The following COBLL1 variants were observed in gnomAD, a reference collection of about 807,000 sequenced individuals.
COBLL1 encodes cordon-bleu WH2 repeat protein like 1, also known as cordon-bleu protein-like 1.
COBLL1 carries 50 observed loss-of-function variants against 94.8 expected under a neutral mutation model. The observed-to-expected ratio is 0.53, with a 90% CI of 0.42 to 0.67. The LOEUF is 0.67. Among genes scored for constraint, COBLL1 ranks in the 30% least tolerant of loss-of-function variants. COBLL1 has a pLI of 0.00. For missense variants in COBLL1, 1,362 were observed against 1,348.7 expected, an observed-to-expected ratio of 1.01 and a Z score of -0.15; for synonymous variants, 448 against 473.8, an observed-to-expected ratio of 0.95 and a Z score of 0.71.
rs371248737 is a variant in COBLL1, at chr2:164,793,770, C to T, written c.41+47386G>A. 3.6e-4 allele frequency among the ~76,000 whole-genome samples: 55 copies of T among 152,294 alleles called. 1 individual carries two copies. The South Asian group carries it at 0.01, about 29-fold the overall frequency. On this transcript the variant is annotated intron_variant, in intron 2 of 13. Transcript: ENST00000652658. ...TGTCATGGAATATAAAAGACATTTG[C>T]ATGAGGAACCATTTAACAATTCAAA...
chr2:164,705,621 A>G (rs549935294), intron 7 of COBLL1, among the ~76,000 whole-genome samples: 3 of 152,204 alleles, frequency 2.0e-5, no homozygotes, highest in Non-Finnish European at 4.4e-5. Context: ...GCAGACCCTA[A>G]GACATCCTCC....
At chr2:164,768,821 T>C (rs527719385) in intron 2 of COBLL1, among the ~76,000 whole-genome samples, 1 of 152,306 alleles carries the variant, frequency 6.6e-6, no homozygotes, top group South Asian at 2.1e-4. Flanking sequence ...GCCTTCCTAT[T>C]TCCTTAACTA....
chr2:164,695,587 G>A lies in COBLL1; in HGVS notation c.1805C>T (p.Ala602Val). Residue 602 changes from alanine (A) to valine (V), a missense_variant, in exon 12 of 14, where the codon GCA (alanine) becomes GTA (valine). Coordinates refer to ENST00000652658, the MANE Select transcript of COBLL1 (RefSeq NM_001365672.2). Reference protein sequence around the residue: ...NQPSAEKTKDAAIQTTPSCNS... With the variant: ...NQPSAEKTKDVAIQTTPSCNS... ...ACAAGAAGGGGTTGTCTGAATTGCT[G>A]CATCTTTTGTCTTTTCTGCACTGGG... The A allele has an allele frequency of 6.2e-7, 1 of 1,613,906 alleles. No homozygotes were observed. The highest frequency in any genetic ancestry group is 8.5e-7 in the Non-Finnish European group (1 of 1,179,904).
Position 164,663,922 on chromosome 2 carries a change from G to T in COBLL1, n.181+1925C>A, listed in dbSNP as rs1412995972. Reference sequence around the variant, plus strand: ...ATACCATTGTAACAGATCTGCATATGTACCCTCTGATCTAAAATAAAATTG... The same window carrying T: ...ATACCATTGTAACAGATCTGCATATTTACCCTCTGATCTAAAATAAAATTG... On this transcript the variant is annotated intron_variant and non_coding_transcript_variant, in intron 2 of 2. Transcript: ENST00000495084. 2.0e-5 allele frequency among the ~76,000 whole-genome samples: 3 copies of T among 152,276 alleles called. No homozygotes were observed. The East Asian group carries it at 5.8e-4, about 29-fold the overall frequency.
At chr2:164,818,290 A>G (rs1446641605) in intron 2 of COBLL1, among the ~76,000 whole-genome samples, 1 of 141,834 alleles carries the variant, frequency 7.1e-6, no homozygotes, top group African/African-American at 2.9e-5. Context: ...ACATATATGT[A>G]TGTATACATA....
intron 2 of COBLL1, among the ~76,000 whole-genome samples, chr2:164,810,314 T>A (rs1684401317): frequency 6.6e-6 from 1 of 151,568 alleles, no homozygotes; most frequent in South Asian, 2.1e-4. Flanking sequence ...CTGTCTCATA[T>A]ACAGATTTTA....
At chr2:164,672,183 C>T (rs886248758) in intron 1 of COBLL1, among the ~76,000 whole-genome samples, 3 of 152,158 alleles carry the variant, frequency 2.0e-5, no homozygotes, top group African/African-American at 4.8e-5. Flanking sequence ...AATGACTGTG[C>T]TATTTTTGCA....
At position 164,695,065 on chromosome 2, in the gene COBLL1, G is replaced by A; in HGVS notation, c.2327C>T (p.Thr776Ile). 6.2e-7 allele frequency: 1 copy of A among 1,613,818 alleles called. No homozygotes were observed. Residue 776 changes from threonine (T) to isoleucine (I), a missense_variant, in exon 12 of 14, where the codon ACT (threonine) becomes ATT (isoleucine). By Grantham distance (89) the Thr-to-Ile change is moderately conservative. Transcript: ENST00000652658. The part of the protein sequence containing the change: ...KKHTHENVKE[T>I]AIQTEDSAIS... ...AGCAGAATCTTCTGTTTGGATGGCA[G>A]TTTCTTTCACATTCTCATGAGTGTG...
chr2:164,792,233 A>T (rs1271412513), intron 2 of COBLL1, among the ~76,000 whole-genome samples: 1 of 151,996 alleles, frequency 6.6e-6, no homozygotes, highest in Non-Finnish European at 1.5e-5. Context: ...AACTCAAGCA[A>T]TCCTCCCACC....
At chr2:164,720,682 C>T (rs1239442809) in intron 7 of COBLL1, among the ~76,000 whole-genome samples, 1 of 152,284 alleles carries the variant, frequency 6.6e-6, no homozygotes, top group East Asian at 1.9e-4. Context: ...GCTTACCATG[C>T]TTAATTTCAG....
intron 2 of COBLL1, among the ~76,000 whole-genome samples, chr2:164,779,077 G>A (rs1341330523): frequency 1.3e-5 from 2 of 151,462 alleles, no homozygotes; most frequent in Non-Finnish European, 2.9e-5. Flanking sequence ...AAGTTTCGCA[G>A]TCTCCAAATG....
intron 2 of COBLL1, among the ~76,000 whole-genome samples, chr2:164,832,083 G>C (rs1226807581): frequency 2.0e-5 from 3 of 152,068 alleles, no homozygotes; most frequent in Non-Finnish European, 2.9e-5. Context: ...TTCAGCCCCC[G>C]CTACTCCCCT....
At chr2:164,766,140 C>A (rs1687924909) in intron 2 of COBLL1, among the ~76,000 whole-genome samples, 1 of 152,158 alleles carries the variant, frequency 6.6e-6, no homozygotes, top group African/African-American at 2.4e-5. Context: ...ACTTTTTATT[C>A]CCTAATAGAA....
In COBLL1 at chr2:164,705,094, T is replaced by C. The variant is rs779709377; in HGVS notation, c.1008A>G (p.Glu336=). 1.3e-6 allele frequency: 2 copies of C among 1,531,254 alleles called. No individual in the cohort carries two copies. The highest frequency in any genetic ancestry group is 1.8e-6 in the Non-Finnish European group (2 of 1,141,862). 94.9% of individuals were successfully genotyped at this position (1,531,254 alleles called of 1,614,324 possible). The stretch of plus-strand genomic sequence containing the variant: ...GTGAACCTGCCCTCACTCTTCCTGC[T>C]TCACAGGGACTCTGGAAAACAAAAT... ...SVDETDKSPC[E]AGRVRAGSLQ... Residue 336 remains glutamate, a synonymous_variant, in exon 8 of 14, where the codon GAA becomes GAG. Coordinates refer to ENST00000652658, the MANE Select transcript of COBLL1 (RefSeq NM_001365672.2).
intron 7 of COBLL1, among the ~76,000 whole-genome samples, chr2:164,719,626 TCTTCTTATAAGGATA>T (rs1179061628): frequency 6.6e-6 from 1 of 152,134 alleles, no homozygotes; most frequent in Non-Finnish European, 1.5e-5. Flanking sequence ...GTGTGTCTCC[TCTTCTTATAAGGATA>T]CCTGCCACTG....
At chr2:164,772,947 G>A (rs355858) in intron 2 of COBLL1, among the ~76,000 whole-genome samples, 35,429 of 151,858 alleles carry the variant, frequency 0.23, 4,797 homozygotes, top group African/African-American at 0.37. Context: ...GAATGTCCAC[G>A]AGCAACTTCT....
At chr2:164,729,585 T>C (rs892784726) in intron 4 of COBLL1, among the ~76,000 whole-genome samples, 5 of 152,136 alleles carry the variant, frequency 3.3e-5, no homozygotes, top group African/African-American at 1.2e-4. Context: ...AAAAAATTAC[T>C]TTAAGAAATT....
intron 2 of COBLL1, among the ~76,000 whole-genome samples, chr2:164,799,740 A>T (rs1441968759): frequency 6.6e-6 from 1 of 152,252 alleles, no homozygotes; most frequent in Non-Finnish European, 1.5e-5. Flanking sequence ...TGGTATTGAC[A>T]AGTAGACACA....
chr2:164,675,543 A>G (rs914955168), downstream of COBLL1, among the ~76,000 whole-genome samples: 28 of 152,158 alleles, frequency 1.8e-4, no homozygotes, highest in African/African-American at 5.8e-4. Context: ...AGTCAAACTC[A>G]TTTCTCTGAG....
Sources: gnomAD v4.1 joint callset for allele counts (sites outside exome capture counted in the v4.1 genomes callset) on GRCh38, gnomAD v4.1.1 for gene constraint, MANE v1.5 for transcripts, NCBI Gene and HGNC (gene_info 2026-07-23, HGNC 2026-07-21) for gene names.